Variants in BRIP1 observed in about 807,000 individuals in gnomAD.
The protein encoded by BRIP1 is Fanconi anemia group J protein.
In BRIP1, 88 loss-of-function variants were observed where a neutral mutation model predicts 119.7. The ratio of observed to expected loss-of-function variants is 0.74; its 90% CI spans 0.62 to 0.88. The LOEUF (loss-of-function observed/expected upper bound fraction) is 0.88, where lower values mean the gene tolerates loss of function less well. BRIP1 is among the 40% of genes least tolerant of loss of function. BRIP1 has a pLI of 0.00. For synonymous variants in BRIP1, 443 were observed against 496.5 expected (o/e 0.89, Z 1.43); for missense variants, 1,259 against 1,455.4 (o/e 0.87, Z 2.20).
rs1298581234 is a variant in BRIP1, at chr17:61,706,449, A to C, written c.2492+9502T>G. Among the ~76,000 whole-genome samples the C allele has an allele frequency of 6.6e-6, 1 of 152,160 alleles. No individual in the cohort carries two copies. Among genetic ancestry groups the C allele is most frequent in the African/African-American group, 2.4e-5 (1 of 41,462 alleles). ...ACTTTTATCAAAGAAACACGAACACATAGTTTTATGTTTTCAATGAAAAAC... is the reference window on the plus strand; with the variant it reads ...ACTTTTATCAAAGAAACACGAACACCTAGTTTTATGTTTTCAATGAAAAAC... On this transcript the variant is annotated intron_variant, in intron 17 of 19. Coordinates refer to ENST00000259008, the MANE Select transcript of BRIP1 (RefSeq NM_032043.3). This position sits in a 1 kb window ranked among gnomAD's most constrained non-coding sequence, Gnocchi z 5.7.
chr17:61,837,099 T>A (rs1603356530), intron 6 of BRIP1, among the ~76,000 whole-genome samples: 1 of 152,198 alleles, frequency 6.6e-6, no homozygotes, highest in East Asian at 1.9e-4. Flanking sequence ...TTGAAAACTG[T>A]CAAACCCAAA....
chr17:61,814,519 T>C lies in BRIP1; in HGVS notation c.628-5762A>G, dbSNP rs1351137984. Among the ~76,000 whole-genome samples the C allele has an allele frequency of 1.3e-5, 2 of 152,136 alleles. No homozygotes were observed. The highest frequency in any genetic ancestry group is 4.8e-5 in the African/African-American group (2 of 41,456). ...TGTGCCATCTAATGTACAGCTTCACTAGTAATTAGGAAAATGCAAATTAAA... is the reference window on the plus strand; with the variant it reads ...TGTGCCATCTAATGTACAGCTTCACCAGTAATTAGGAAAATGCAAATTAAA... On this transcript the variant is annotated intron_variant, in intron 6 of 19. Transcript: ENST00000259008. This position sits in a 1 kb window ranked among gnomAD's most constrained non-coding sequence, Gnocchi z 4.9.
In BRIP1 at chr17:61,804,436, GTGTGTGTGTGTA is replaced by G. The variant is rs1346144421; in HGVS notation, c.919-2974_919-2963del. Among the ~76,000 whole-genome samples the G allele has an allele frequency of 1.1e-3, 111 of 102,738 alleles. 1 individual carries two copies. The highest frequency in any genetic ancestry group is 3.7e-3 in the African/African-American group (108 of 28,934). 67.4% of individuals were successfully genotyped at this position (102,738 alleles called of 152,430 possible). ...TGTGTGTGTGTGTGTGTGTGTGTGT[GTGTGTGTGTGTA>G]TGTGTGTGTACATACACATACATAT... On this transcript the variant is annotated intron_variant, in intron 7 of 19. Transcript: ENST00000259008. This position sits in a 1 kb window ranked among gnomAD's most constrained non-coding sequence, Gnocchi z 4.5.
rs1460624049 is a variant in BRIP1, at chr17:61,729,965, C to T, written c.2379+13048G>A. 4.6e-5 allele frequency among the ~76,000 whole-genome samples: 7 copies of T among 152,114 alleles called. No homozygotes were observed. Among genetic ancestry groups the T allele is most frequent in the Admixed American group, 4.6e-4 (7 of 15,274 alleles). On this transcript the variant is annotated intron_variant, in intron 16 of 19. Transcript: ENST00000259008. The surrounding 1 kb of genome is among the most constrained non-coding windows in gnomAD (Gnocchi z 5.6). ...GGACACTCCTCGGAACAAAGAATTA[C>T]CCAGTCCAAAATGTCAATAGTGCCA...
rs2378901 is a variant in BRIP1, at chr17:61,743,812, T to C, written c.2257+620A>G. On this transcript the variant is annotated intron_variant, in intron 15 of 19. Transcript: ENST00000259008. The surrounding 1 kb of genome is among the most constrained non-coding windows in gnomAD (Gnocchi z 4.3). Reference sequence around the variant, plus strand: ...AGGTAATCCTCCCACCTCGGCCTCCTAAGTAGTTGGAACTATAGGCACATG... The same window carrying C: ...AGGTAATCCTCCCACCTCGGCCTCCCAAGTAGTTGGAACTATAGGCACATG... 0.99 allele frequency among the ~76,000 whole-genome samples: 150,824 copies of C among 152,216 alleles called. 74,735 individuals are homozygous for C. Among genetic ancestry groups the C allele is most frequent in the South Asian group, 1 (4,822 of 4,822 alleles).
rs977401985 is a variant in BRIP1, at chr17:61,802,804, T to C, written c.919-1330A>G. 3.3e-5 allele frequency among the ~76,000 whole-genome samples: 5 copies of C among 152,208 alleles called. No individual in the cohort carries two copies. Among genetic ancestry groups the C allele is most frequent in the Non-Finnish European group, 7.3e-5 (5 of 68,030 alleles). The stretch of plus-strand genomic sequence containing the variant: ...GTCTATATTTTTAGAAATGGCATTA[T>C]GGGATCAGACGCTACAAGGTATTTT... On this transcript the variant is annotated intron_variant, in intron 7 of 19. Coordinates refer to ENST00000259008, the MANE Select transcript of BRIP1 (RefSeq NM_032043.3). This position sits in a 1 kb window ranked among gnomAD's most constrained non-coding sequence, Gnocchi z 6.0.
In BRIP1 at chr17:61,824,013, C is replaced by T. The variant is rs955966813; in HGVS notation, c.628-15256G>A. 2.0e-5 allele frequency among the ~76,000 whole-genome samples: 3 copies of T among 152,142 alleles called. No homozygotes were observed. Among genetic ancestry groups the T allele is most frequent in the Admixed American group, 6.5e-5 (1 of 15,280 alleles). Reference sequence around the variant, plus strand: ...TATTTTTAGTAGACACAGGGTGTCACCATGTTAGCCAGGCTGGTCTCAAAC... The same window carrying T: ...TATTTTTAGTAGACACAGGGTGTCATCATGTTAGCCAGGCTGGTCTCAAAC... On this transcript the variant is annotated intron_variant, in intron 6 of 19. Transcript: ENST00000259008. This position sits in a 1 kb window ranked among gnomAD's most constrained non-coding sequence, Gnocchi z 4.3.
At chr17:61,838,761 A>T (rs528714849) in intron 6 of BRIP1, among the ~76,000 whole-genome samples, 1 of 151,840 alleles carries the variant, frequency 6.6e-6, no homozygotes, top group African/African-American at 2.4e-5. Flanking sequence ...TGAAGAAAAA[A>T]GCAAAAATAA....
chr17:61,785,077 T>C (rs1357443982), intron 10 of BRIP1, among the ~76,000 whole-genome samples: 1 of 152,186 alleles, frequency 6.6e-6, no homozygotes, highest in Non-Finnish European at 1.5e-5. Context: ...CAGGGTATTA[T>C]TTGGTGCCTT....
At chr17:61,723,498 A>G (rs2062016434) in intron 16 of BRIP1, among the ~76,000 whole-genome samples, 1 of 152,190 alleles carries the variant, frequency 6.6e-6, no homozygotes, top group Admixed American at 6.5e-5. Flanking sequence ...TTATAATCTA[A>G]CAACATTATA....
At chr17:61,854,594 C>T (rs2078867719) in intron 4 of BRIP1, among the ~76,000 whole-genome samples, 1 of 150,322 alleles carries the variant, frequency 6.7e-6, no homozygotes, top group Non-Finnish European at 1.5e-5. Context: ...GTAATCCTAG[C>T]TACTTGGGAG....
At chr17:61,820,731 C>G (rs1336152516) in intron 6 of BRIP1, among the ~76,000 whole-genome samples, 1 of 152,088 alleles carries the variant, frequency 6.6e-6, no homozygotes, top group Non-Finnish European at 1.5e-5. Context: ...GAGTGGATCA[C>G]TTGAGGTCAG....
chr17:61,776,429 C>T lies in BRIP1; in HGVS notation c.2069G>A (p.Gly690Glu), dbSNP rs878855144. The T allele has an allele frequency of 1.9e-6, 3 of 1,613,948 alleles. No homozygotes were observed. The highest frequency in any genetic ancestry group is 2.5e-6 in the Non-Finnish European group (3 of 1,180,020). The change falls in exon 14 of 20, where the codon GGA becomes GAA. Residue 690 changes from glycine (G) to glutamate (E), a missense_variant. Around this residue, in one of 3 missense-constraint regions of BRIP1, gnomAD observed 753 missense variants for 891.8 expected, o/e 0.84. Coordinates refer to ENST00000259008, the MANE Select transcript of BRIP1 (RefSeq NM_032043.3). This position sits in a 1 kb window ranked among gnomAD's most constrained non-coding sequence, Gnocchi z 5.0. ...GTAAGATGGCAAGAAACACAAAATT[C>T]CTTGGCTCACAGTCTGGCACACAGA... ...LLSVCQTVSQ[G>E]ILCFLPSYKL...
At position 61,856,586 on chromosome 17, in the gene BRIP1, A is replaced by G. The variant is rs1026881867; in HGVS notation, c.379+472T>C. On this transcript the variant is annotated intron_variant, in intron 4 of 19. Transcript: ENST00000259008. This position sits in a 1 kb window ranked among gnomAD's most constrained non-coding sequence, Gnocchi z 5.1. The stretch of plus-strand genomic sequence containing the variant: ...TATTAATAATCTTATGTTACTCTTA[A>G]TGTATTTCTCTAAAATTAGTAAAAA... Among the ~76,000 whole-genome samples the G allele has an allele frequency of 3.9e-5, 6 of 152,148 alleles. No individual in the cohort carries two copies. The highest frequency in any genetic ancestry group is 8.8e-5 in the Non-Finnish European group (6 of 68,014).
Position 61,828,099 on chromosome 17 carries a change from T to A in BRIP1, c.627+19002A>T, listed in dbSNP as rs1168067179. 6.6e-6 allele frequency among the ~76,000 whole-genome samples: 1 copy of A among 152,110 alleles called. No individual in the cohort carries two copies. The highest frequency in any genetic ancestry group is 1.5e-5 in the Non-Finnish European group (1 of 68,014). On this transcript the variant is annotated intron_variant, in intron 6 of 19. Coordinates refer to ENST00000259008, the MANE Select transcript of BRIP1 (RefSeq NM_032043.3). The surrounding 1 kb of genome is among the most constrained non-coding windows in gnomAD (Gnocchi z 4.1). ...GAAAACAGAGACTCAAACAGATACG[T>A]ACACCAATGTTCACAGCAGCATTAT...
rs1555618360 is a variant in BRIP1, at chr17:61,859,790, A to G, written c.205+6T>C. 1 of 1,589,900 alleles carries G rather than the reference A, an allele frequency of 6.3e-7. No individual in the cohort carries two copies. The highest frequency in any genetic ancestry group is 8.6e-7 in the Non-Finnish European group (1 of 1,157,996). On this transcript the variant is annotated splice_donor_region_variant and intron_variant, in intron 3 of 19. Transcript: ENST00000259008. ...AGTAACCTGAAGATATCAAGCAACTACTTACCACTAAGAGATTGTTGCCAT... is the reference window on the plus strand; with the variant it reads ...AGTAACCTGAAGATATCAAGCAACTGCTTACCACTAAGAGATTGTTGCCAT...
intron 14 of BRIP1, among the ~76,000 whole-genome samples, chr17:61,765,388 TATATATA>T (rs1260730928): frequency 2.9e-4 from 5 of 17,438 alleles, no homozygotes; most frequent in African/African-American, 1.0e-3. Flanking sequence ...ATTATATATA[TATATATA>T]TATATATATA....
At position 61,847,242 on chromosome 17, in the gene BRIP1, G is replaced by T. The variant is rs370880837; in HGVS notation, c.508-22C>A. On this transcript the variant is annotated intron_variant, in intron 5 of 19. Coordinates refer to ENST00000259008, the MANE Select transcript of BRIP1 (RefSeq NM_032043.3). ...TAATCTGTAAACACAGAACCAAAAT[G>T]AAGTTTAAGGTGAACTAGAAGTTTA... 9.3e-6 allele frequency: 15 copies of T among 1,613,020 alleles called. No individual in the cohort carries two copies. The African/African-American group carries it at 2.0e-4, about 22-fold the overall frequency.
chr17:61,731,114 G>C (rs1603299434), intron 16 of BRIP1, among the ~76,000 whole-genome samples: 1 of 150,940 alleles, frequency 6.6e-6, no homozygotes, highest in Non-Finnish European at 1.5e-5. Context: ...AAAATACTCT[G>C]AGGAGGAAAA....
Sources: allele counts gnomAD v4.1 joint callset (sites outside exome capture counted in the v4.1 genomes callset), GRCh38; gene constraint gnomAD v4.1.1; regional missense constraint gnomAD v4.1.1; non-coding constraint Gnocchi (gnomAD v3.1); transcripts MANE v1.5; gene names NCBI Gene and HGNC (gene_info 2026-07-23, HGNC 2026-07-21).